The following RPS6KL1 variants were observed in gnomAD, a reference collection of about 807,000 sequenced individuals.
RPS6KL1 encodes the protein ribosomal protein S6 kinase like 1.
In RPS6KL1, 41 loss-of-function variants were observed where a neutral mutation model predicts 57.0. The ratio of observed to expected loss-of-function variants is 0.72; its 90% CI spans 0.56 to 0.93. The LOEUF is 0.93. Among genes scored for constraint, RPS6KL1 ranks in the 40% least tolerant of loss-of-function variants. The pLI, the probability that RPS6KL1 is intolerant of heterozygous loss-of-function variation, is 0.00. For missense variants in RPS6KL1, 697 were observed against 727.7 expected (o/e 0.96, Z 0.49); for synonymous variants, 287 against 309.7 (o/e 0.93, Z 0.77).
Position 74,906,978 on chromosome 14 carries a change from A to G in RPS6KL1, c.*36T>C. On this transcript the variant is annotated 3_prime_UTR_variant, in exon 12 of 12. Coordinates refer to ENST00000557413, the MANE Select transcript of RPS6KL1 (RefSeq NM_031464.5). ...CAGGCAAGGAGGAGAGGCGATCCAG[A>G]CCAGGCCAGCTGCTTCCGTCACCCG... 6.6e-7 allele frequency: 1 copy of G among 1,508,794 alleles called. No individual in the cohort carries two copies. Among genetic ancestry groups the G allele is most frequent in the Non-Finnish European group, 9.2e-7 (1 of 1,090,490 alleles). The allele number at this position is 1,508,794 out of a possible 1,614,324, so 93.5% of individuals were successfully genotyped here.
rs1336406814 is a variant in RPS6KL1 at position 74,906,334 on chromosome 14, CTT to C, written c.*678_*679del. 5.8e-6 allele frequency: 2 copies of C among 342,768 alleles called. No homozygotes were observed. Among genetic ancestry groups the C allele is most frequent in the Non-Finnish European group, 1.1e-5 (2 of 174,754 alleles). 21.2% of individuals were successfully genotyped at this position (342,768 alleles called of 1,614,324 possible). A position where few individuals can be genotyped will look rare whatever the true frequency, so the allele number is the denominator to read the frequency against. ...TGCATTCCTTCCTCCCCCCATTACT[CTT>C]ATTTTCTTCCCCTCCCTTTTGCTCT... On this transcript the variant is annotated 3_prime_UTR_variant, in exon 12 of 12. Coordinates refer to ENST00000557413, the MANE Select transcript of RPS6KL1 (RefSeq NM_031464.5).
At chr14:74,922,980 C>A (rs1225196478) in intron 1 of RPS6KL1, among the ~76,000 whole-genome samples, 200 bp downstream of exon 1, 1 of 152,150 alleles carries the variant, frequency 6.6e-6, no homozygotes, top group East Asian at 1.9e-4. Context: ...CTGGGGGGTG[C>A]CCGGGTAGGA....
intron 7 of RPS6KL1, 114 bp downstream of exon 7, chr14:74,911,134 A>T (rs747947944): frequency 9.6e-7 from 1 of 1,036,396 alleles, no homozygotes; most frequent in Non-Finnish European, 1.5e-6. Context: ...GGCCTCCCAA[A>T]GTGCTGGGAT....
intron 6 of RPS6KL1, 156 bp downstream of exon 6, chr14:74,911,638 T>C (rs1161261871): frequency 6.9e-6 from 5 of 729,042 alleles, no homozygotes; most frequent in African/African-American, 1.8e-5. Flanking sequence ...TGCATGCATG[T>C]GTGTCCATCT....
rs1330834583 is a variant in RPS6KL1 at position 74,909,127 on chromosome 14, G to A, written c.1334C>T (p.Ala445Val). Residue 445 changes from alanine (A) to valine (V), a missense_variant, in exon 9 of 12, where the codon GCC becomes GTC. Ala to Val is a moderately conservative substitution (Grantham distance 64). Coordinates refer to ENST00000557413, the MANE Select transcript of RPS6KL1 (RefSeq NM_031464.5). Reference protein sequence around the residue: ...SEVEPQCCGEAVDNLYSAPEV... With the variant: ...SEVEPQCCGEVVDNLYSAPEV... ...TGGGGCGCTGTAGAGATTGTCCACG[G>A]CCTCCCCGCAGCACTGGGGCTCCAC... 3 of 1,614,174 alleles carry A rather than the reference G, an allele frequency of 1.9e-6. No homozygotes were observed. The highest frequency in any genetic ancestry group is 1.3e-5 in the African/African-American group (1 of 75,068).
Position 74,916,079 on chromosome 14 carries a change from G to A in RPS6KL1, c.483+2434C>T, listed in dbSNP as rs544232381. 2.0e-5 allele frequency among the ~76,000 whole-genome samples: 3 copies of A among 152,290 alleles called. No homozygotes were observed. The South Asian group carries it at 6.2e-4, about 32-fold the overall frequency. ...TTATCCTAACAGCCGGACACGTTAGGGGTCACTCAAGCATCATCCCGAGCA... is the reference window on the plus strand; with the variant it reads ...TTATCCTAACAGCCGGACACGTTAGAGGTCACTCAAGCATCATCCCGAGCA... On this transcript the variant is annotated intron_variant, in intron 5 of 11. Coordinates refer to ENST00000557413, the MANE Select transcript of RPS6KL1 (RefSeq NM_031464.5).
At position 74,911,364 on chromosome 14, in the gene RPS6KL1, TG is replaced by T; in HGVS notation, c.547del (p.His183ThrfsTer3). 6.2e-7 allele frequency: 1 copy of T among 1,608,080 alleles called. No individual in the cohort carries two copies. ...TFVVKSLPRC[H>X]MVSRERLTII... The stretch of plus-strand genomic sequence containing the variant: ...GGTCAGCCGCTCCCTGCTCACCATG[TG>T]GCACCTGGGTAGGCTCTGGGAGCAG... On this transcript the variant is annotated frameshift_variant, in exon 7 of 12. Coordinates refer to ENST00000557413, the MANE Select transcript of RPS6KL1 (RefSeq NM_031464.5). LOFTEE classifies it high-confidence loss of function.
chr14:74,911,966 G>A (rs1886081980), intron 5 of RPS6KL1, 125 bp from the exon 6 acceptor site: 6 of 742,776 alleles, frequency 8.1e-6, no homozygotes, highest in Non-Finnish European at 1.4e-5. Context: ...GGCAGGGAGG[G>A]CGGGCTTTGG....
intron 8 of RPS6KL1, 44 bp from the exon 9 acceptor site, chr14:74,909,234 G>T: frequency 6.4e-7 from 1 of 1,564,712 alleles, no homozygotes; most frequent in Non-Finnish European, 8.8e-7. Context: ...ATTGAGGACA[G>T]CTGATACAGG....
chr14:74,906,409 T>TGGGG lies in RPS6KL1; in HGVS notation c.*601_*604dup, dbSNP rs537079155. On this transcript the variant is annotated 3_prime_UTR_variant, in exon 12 of 12. Coordinates refer to ENST00000557413, the MANE Select transcript of RPS6KL1 (RefSeq NM_031464.5). ...AGGGGGCATGGTCAGGAATCGGGGG[T>TGGGG]GGGGGGGTGGGGGTGGGGGTCATCC... 0.012 allele frequency: 1,987 copies of TGGGG among 161,292 alleles called. 29 individuals are homozygous for TGGGG. The highest frequency in any genetic ancestry group is 0.053 in the East Asian group (370 of 6,940). The allele number at this position is 161,292 out of a possible 1,614,324, so 10.0% of individuals were successfully genotyped here. A position where few individuals can be genotyped will look rare whatever the true frequency, so the allele number is the denominator to read the frequency against.
rs1885884381 is a variant in RPS6KL1, at chr14:74,911,126, C to CAA, written c.664+121_664+122insTT. The CAA allele has an allele frequency of 3.2e-6, 3 of 933,938 alleles. No individual in the cohort carries two copies. In the African/African-American group the frequency reaches 4.8e-5, roughly 15 times the overall value. The allele number at this position is 933,938 out of a possible 1,614,324, so 57.9% of individuals were successfully genotyped here. On this transcript the variant is annotated intron_variant, in intron 7 of 11. Coordinates refer to ENST00000557413, the MANE Select transcript of RPS6KL1 (RefSeq NM_031464.5). ...ACCTCAGTTGATCCGCCTGCCTCGGCCTCCCAAAGTGCTGGGATTACAGGC... is the reference window on the plus strand; with the variant it reads ...ACCTCAGTTGATCCGCCTGCCTCGGCAACTCCCAAAGTGCTGGGATTACAGGC...
In RPS6KL1 at chr14:74,919,914, C is replaced by G; in HGVS notation, c.321G>C (p.Leu107=). The stretch of plus-strand genomic sequence containing the variant: ...AGTTGAAGATCTCCTCTGCCCGCCG[C>G]AGGTATTTGGTAATTTTCAGCTTCA... ...EAVKLKITKY[L]RRAEEIFNCH... is the part of the protein sequence containing the mutation. Residue 107 remains leucine (L), a synonymous_variant, in exon 4 of 12, where the codon CTG becomes CTC. Coordinates refer to ENST00000557413, the MANE Select transcript of RPS6KL1 (RefSeq NM_031464.5). The G allele has an allele frequency of 1.2e-6, 2 of 1,614,152 alleles. No individual in the cohort carries two copies. The highest frequency in any genetic ancestry group is 1.7e-6 in the Non-Finnish European group (2 of 1,180,014).
At position 74,920,107 on chromosome 14, in the gene RPS6KL1, A is replaced by G. The variant is rs566808413; in HGVS notation, c.266-138T>C. 8.4e-5 allele frequency: 95 copies of G among 1,132,104 alleles called. No homozygotes were observed. The South Asian group carries it at 9.9e-4, about 12-fold the overall frequency. The allele number at this position is 1,132,104 out of a possible 1,614,324, so 70.1% of individuals were successfully genotyped here. ...CTGGTTCGGCAGATTCTGCCCCCAGATTGCTTCATGAGCCCCTCCTCTGGG... is the reference window on the plus strand; with the variant it reads ...CTGGTTCGGCAGATTCTGCCCCCAGGTTGCTTCATGAGCCCCTCCTCTGGG... On this transcript the variant is annotated intron_variant, in intron 3 of 11. Transcript: ENST00000557413.
chr14:74,920,610 C>T (rs1454109805), intron 3 of RPS6KL1, among the ~76,000 whole-genome samples: 2 of 152,252 alleles, frequency 1.3e-5, no homozygotes, highest in East Asian at 1.9e-4. Context: ...CTTTCTGGAA[C>T]TCTAGCCAGT....
chr14:74,904,811 T>C lies in RPS6KL1; in HGVS notation c.*2203A>G, dbSNP rs1045193482. On this transcript the variant is annotated 3_prime_UTR_variant, in exon 12 of 12. Coordinates refer to ENST00000557413, the MANE Select transcript of RPS6KL1 (RefSeq NM_031464.5). The stretch of plus-strand genomic sequence containing the variant: ...AGGGTTGATGACCTAGGAGCAGTGG[T>C]CAGTGAGCGTGAGTGTACAGGGTGG... 3 of 152,188 alleles carry C rather than the reference T, an allele frequency of 2.0e-5. No homozygotes were observed. The highest frequency in any genetic ancestry group is 4.4e-5 in the Non-Finnish European group (3 of 68,028). The allele number at this position is 152,188 out of a possible 1,614,324, so 9.4% of individuals were successfully genotyped here. A position where few individuals can be genotyped will look rare whatever the true frequency, so the allele number is the denominator to read the frequency against.
At chr14:74,907,353 G>T (rs1268352843) in intron 11 of RPS6KL1, 82 bp downstream of exon 11, 4 of 1,511,000 alleles carry the variant, frequency 2.6e-6, no homozygotes, top group Non-Finnish European at 3.5e-6. Flanking sequence ...CGAAGCACAC[G>T]TGGTTCAGAC....
chr14:74,912,170 G>A (rs1317929718), intron 5 of RPS6KL1, among the ~76,000 whole-genome samples: 1 of 152,180 alleles, frequency 6.6e-6, no homozygotes, highest in East Asian at 1.9e-4. Context: ...CCACTGGACT[G>A]TGAGCTCAGT....
At chr14:74,914,431 G>A (rs961899552) in intron 5 of RPS6KL1, among the ~76,000 whole-genome samples, 1 of 152,190 alleles carries the variant, frequency 6.6e-6, no homozygotes, top group African/African-American at 2.4e-5. Context: ...AGGCTGAGGA[G>A]GCCAGAAATA....
Position 74,905,207 on chromosome 14 carries a change from A to C in RPS6KL1, c.*1807T>G, listed in dbSNP as rs540291694. On this transcript the variant is annotated 3_prime_UTR_variant, in exon 12 of 12. Coordinates refer to ENST00000557413, the MANE Select transcript of RPS6KL1 (RefSeq NM_031464.5). ...CAGATGTGTAGCTTTGGGTGGATGAAGCACAGAAGTTCCAGAAGGGACTTG... is the reference window on the plus strand; with the variant it reads ...CAGATGTGTAGCTTTGGGTGGATGACGCACAGAAGTTCCAGAAGGGACTTG... 6.6e-6 allele frequency: 1 copy of C among 152,318 alleles called. No individual in the cohort carries two copies. Among genetic ancestry groups the C allele is most frequent in the South Asian group, 2.1e-4 (1 of 4,830 alleles). The allele number at this position is 152,318 out of a possible 1,614,324, so 9.4% of individuals were successfully genotyped here.
Sources: gnomAD v4.1 joint callset for allele counts (sites outside exome capture counted in the v4.1 genomes callset) on GRCh38, gnomAD v4.1.1 for gene constraint, MANE v1.5 for transcripts, NCBI Gene and HGNC (gene_info 2026-07-23, HGNC 2026-07-21) for gene names.